Variants in GRIK2 observed in about 807,000 individuals in gnomAD.
GRIK2 encodes glutamate receptor ionotropic, kainate 2.
In GRIK2, 32 loss-of-function variants were observed where a neutral mutation model predicts 100.3. The observed-to-expected ratio is 0.32, with a 90% confidence interval of 0.24 to 0.43. The LOEUF (loss-of-function observed/expected upper bound fraction) is 0.43. Ranked by LOEUF, GRIK2 falls within the 20% of genes least tolerant of loss-of-function variation. GRIK2 has a pLI of 1.00. For synonymous variants in GRIK2, 417 were observed against 389.4 expected, an observed-to-expected ratio of 1.07 and a Z score of -0.83; for missense variants, 843 against 1,114.9, an observed-to-expected ratio of 0.76 and a Z score of 3.47.
At chr6:101,846,527 G>C (rs1469463548) in intron 10 of GRIK2, among the ~76,000 whole-genome samples, 1 of 152,040 alleles carries the variant, frequency 6.6e-6, no homozygotes, top group Non-Finnish European at 1.5e-5. Flanking sequence ...GTGTTGGCCT[G>C]AAAGAATGGA....
In GRIK2 at chr6:101,813,006, G is replaced by A. The variant is rs555676495; in HGVS notation, c.1204-5364G>A. Among the ~76,000 whole-genome samples, 26 of 151,554 alleles carry A rather than the reference G, an allele frequency of 1.7e-4. No individual in the cohort carries two copies. The South Asian group carries it at 5.2e-3, about 30-fold the overall frequency. On this transcript the variant is annotated intron_variant, in intron 9 of 16. Transcript: ENST00000369134. Reference sequence around the variant, plus strand: ...ACTCAGTCTTTAGGTAACATATTTTGCAAAAAGTTCATATATACATGATAT... The same window carrying A: ...ACTCAGTCTTTAGGTAACATATTTTACAAAAAGTTCATATATACATGATAT...
chr6:101,484,500 A>G (rs1772707633), intron 2 of GRIK2, among the ~76,000 whole-genome samples: 2 of 151,692 alleles, frequency 1.3e-5, no homozygotes, highest in Middle Eastern at 3.4e-3. Context: ...TGATTCTTAC[A>G]CTGTATTTTT....
At position 101,537,133 on chromosome 6, in the gene GRIK2, C is replaced by T. The variant is rs559766339; in HGVS notation, c.116-84816C>T. On this transcript the variant is annotated intron_variant, in intron 2 of 16. Coordinates refer to ENST00000369134, the MANE Select transcript of GRIK2 (RefSeq NM_021956.5). ...AAGTTAAAGTGCTCCTGAAACTGAT[C>T]TATTTATTCCCGTGGAGGACTCTTG... Among the ~76,000 whole-genome samples, 111 of 151,760 alleles carry T rather than the reference C, an allele frequency of 7.3e-4. 1 individual carries two copies. The highest frequency in any genetic ancestry group is 4.2e-3 in the South Asian group (20 of 4,814).
chr6:101,537,912 C>T (rs749035500), intron 2 of GRIK2, among the ~76,000 whole-genome samples: 21 of 151,730 alleles, frequency 1.4e-4, no homozygotes, highest in Non-Finnish European at 2.7e-4. Context: ...AAACCATCTG[C>T]ATAGTATTGT....
intron 16 of GRIK2, among the ~76,000 whole-genome samples, chr6:102,058,337 CCTAT>C (rs1771568350): frequency 6.6e-6 from 1 of 151,694 alleles, no homozygotes; most frequent in Non-Finnish European, 1.5e-5. Flanking sequence ...TATCTATCTA[CCTAT>C]CTATCTATTT....
chr6:101,618,252 C>T (rs1371770492), intron 2 of GRIK2, among the ~76,000 whole-genome samples: 2 of 151,272 alleles, frequency 1.3e-5, no homozygotes, highest in Non-Finnish European at 1.5e-5. Flanking sequence ...TTTATTAGAA[C>T]TGCAGTATTA....
At chr6:101,594,692 A>G (rs927111234) in intron 2 of GRIK2, among the ~76,000 whole-genome samples, 2 of 151,788 alleles carry the variant, frequency 1.3e-5, no homozygotes, top group African/African-American at 4.8e-5. Flanking sequence ...TCTAAGTAAA[A>G]TTCAGTGGAG....
chr6:101,630,077 G>A (rs1780654303), intron 4 of GRIK2, among the ~76,000 whole-genome samples: 1 of 151,976 alleles, frequency 6.6e-6, no homozygotes, highest in Non-Finnish European at 1.5e-5. Context: ...AGTATTCCAT[G>A]GTGTATATGT....
chr6:101,910,108 T>C (rs577258021), intron 12 of GRIK2, among the ~76,000 whole-genome samples: 1 of 151,308 alleles, frequency 6.6e-6, no homozygotes, highest in East Asian at 1.9e-4. Flanking sequence ...ATTTTAAATA[T>C]CTTTATAAAG....
chr6:101,672,808 G>T (rs1208050608), intron 4 of GRIK2, among the ~76,000 whole-genome samples: 2 of 152,028 alleles, frequency 1.3e-5, no homozygotes, highest in Non-Finnish European at 2.9e-5. Flanking sequence ...GCATTCCATG[G>T]TGTATATGTA....
chr6:101,626,941 GATACACACACACGTACACATACAC>G (rs973136156), intron 4 of GRIK2, among the ~76,000 whole-genome samples: 39 of 151,850 alleles, frequency 2.6e-4, no homozygotes, highest in African/African-American at 8.7e-4. Context: ...TAGATAGATA[GATACACACACACGTACACATACAC>G]ATACACACAC....
At chr6:101,669,769 T>C (rs1392791153) in intron 4 of GRIK2, among the ~76,000 whole-genome samples, 1 of 152,152 alleles carries the variant, frequency 6.6e-6, no homozygotes, top group African/African-American at 2.4e-5. Context: ...AAACATCTAT[T>C]TTTTGGATGT....
At chr6:102,056,290 GAA>G (rs1487671847) in intron 16 of GRIK2, among the ~76,000 whole-genome samples, 2 of 151,746 alleles carry the variant, frequency 1.3e-5, no homozygotes, top group African/African-American at 4.8e-5. Context: ...TATTATCCTT[GAA>G]AAGTTTGTCA....
intron 2 of GRIK2, among the ~76,000 whole-genome samples, chr6:101,476,086 T>G (rs74762201): frequency 0.011 from 1,711 of 152,210 alleles, 36 homozygotes; most frequent in African/African-American, 0.039. Flanking sequence ...CAAATTTTAA[T>G]TAAGAATGTT....
At chr6:101,868,571 A>T (rs1785195445) in intron 11 of GRIK2, among the ~76,000 whole-genome samples, 1 of 151,610 alleles carries the variant, frequency 6.6e-6, no homozygotes, top group African/African-American at 2.4e-5. Flanking sequence ...CAGATATAAA[A>T]AAGTGGCTTT....
chr6:101,999,581 T>C (rs538938426), intron 14 of GRIK2, among the ~76,000 whole-genome samples: 10 of 152,066 alleles, frequency 6.6e-5, no homozygotes, highest in Non-Finnish European at 1.5e-4. Context: ...AGCTCTCTTA[T>C]TAGTTCAAGA....
intron 2 of GRIK2, among the ~76,000 whole-genome samples, chr6:101,445,495 G>T (rs1770325934): frequency 6.6e-6 from 1 of 151,828 alleles, no homozygotes; most frequent in South Asian, 2.1e-4. Flanking sequence ...ATTCATTCTG[G>T]TTTGCCTGCT....
chr6:101,730,969 C>T (rs988251707), intron 7 of GRIK2, among the ~76,000 whole-genome samples: 5 of 151,794 alleles, frequency 3.3e-5, no homozygotes, highest in East Asian at 3.9e-4. Flanking sequence ...GAATGTTAGT[C>T]GTCAAAGTGA....
intron 12 of GRIK2, among the ~76,000 whole-genome samples, chr6:101,904,879 T>C (rs1371946572): frequency 2.0e-5 from 3 of 151,558 alleles, no homozygotes; most frequent in Non-Finnish European, 4.4e-5. Context: ...TTATGTAGAT[T>C]TTAATTTCAT....
Sources: gnomAD v4.1 joint callset for allele counts (sites outside exome capture counted in the v4.1 genomes callset) on GRCh38, gnomAD v4.1.1 for gene constraint, MANE v1.5 for transcripts, NCBI Gene and HGNC (gene_info 2026-07-23, HGNC 2026-07-21) for gene names.